Variants in FGD3 observed in about 807,000 individuals in gnomAD.
FGD3 encodes the protein FYVE, RhoGEF and PH domain-containing protein 3.
In FGD3, 45 loss-of-function variants were observed where a neutral mutation model predicts 71.8. The ratio of observed to expected loss-of-function variants is 0.63; its 90% CI spans 0.49 to 0.80. The LOEUF (loss-of-function observed/expected upper bound fraction) is 0.80, where lower values mean the gene tolerates loss of function less well. Ranked by LOEUF, FGD3 falls within the 30% of genes least tolerant of loss-of-function variation. The probability of loss-of-function intolerance (pLI) is 0.00; values close to 1 mark genes in which losing one functional copy is unlikely to be tolerated. For missense variants in FGD3, 844 were observed against 951.5 expected (o/e 0.89, Z 1.49); for synonymous variants, 378 against 392.8 (o/e 0.96, Z 0.44).
intron 3 of FGD3, among the ~76,000 whole-genome samples, chr9:92,990,228 A>C (rs1860354878): frequency 6.6e-6 from 1 of 152,190 alleles, no homozygotes. Context: ...GCTTGAGCCA[A>C]GGAATTCAAG....
At chr9:93,032,700 C>A (rs992652865) in intron 15 of FGD3, 69 bp from the exon 16 acceptor site, 8 of 1,464,986 alleles carry the variant, frequency 5.5e-6, no homozygotes, top group African/African-American at 2.8e-5. Context: ...CACTCTACCT[C>A]CTCTGGCATC....
At chr9:93,007,857 GTCTGGGGA>G (rs756577828) in intron 6 of FGD3, among the ~76,000 whole-genome samples, 9 of 152,186 alleles carry the variant, frequency 5.9e-5, no homozygotes, top group Non-Finnish European at 1.2e-4. Flanking sequence ...GGTGGGTGGG[GTCTGGGGA>G]TGCTGCAAAA....
rs1205329041 is a variant in FGD3, at chr9:92,947,748, A to G, written c.-218+19A>G. On this transcript the variant is annotated intron_variant, in intron 1 of 17. Transcript: ENST00000375482. ...GAAGGCGGTGAGTAGGTTACATTGGAAAAGGTGGCAATTTTCGCTTGTTTC... is the reference window on the plus strand; with the variant it reads ...GAAGGCGGTGAGTAGGTTACATTGGGAAAGGTGGCAATTTTCGCTTGTTTC... The G allele has an allele frequency of 6.6e-6, 1 of 152,198 alleles. No homozygotes were observed. Among genetic ancestry groups the G allele is most frequent in the African/African-American group, 2.4e-5 (1 of 41,412 alleles). The allele number at this position is 152,198 out of a possible 1,614,324, so 9.4% of individuals were successfully genotyped here.
intron 13 of FGD3, 68 bp from the exon 14 acceptor site, chr9:93,022,259 T>TC (rs538743969): frequency 3.0e-5 from 44 of 1,491,052 alleles, no homozygotes; most frequent in Non-Finnish European, 4.0e-5. Flanking sequence ...TCAGGAACTG[T>TC]CCCCCCGCTG....
intron 1 of FGD3, among the ~76,000 whole-genome samples, chr9:92,950,032 T>G (rs1858925347): frequency 1.8e-5 from 2 of 108,986 alleles, no homozygotes; most frequent in Non-Finnish European, 3.5e-5. Flanking sequence ...CTTCTTTCCT[T>G]CCTCTTTTTT....
rs886866152 is a variant in FGD3, at chr9:93,008,232, C to G, written c.838-2014C>G. Reference sequence around the variant, plus strand: ...AACCCTTTATCACTAAACATGTGAACAAGGATATTCTCTTGCGTACTCCCA... The same window carrying G: ...AACCCTTTATCACTAAACATGTGAAGAAGGATATTCTCTTGCGTACTCCCA... On this transcript the variant is annotated intron_variant, in intron 6 of 17. Coordinates refer to ENST00000375482, the MANE Select transcript of FGD3 (RefSeq NM_001083536.2). Among the ~76,000 whole-genome samples, 7 of 152,142 alleles carry G rather than the reference C, an allele frequency of 4.6e-5. No individual in the cohort carries two copies. The East Asian group carries it at 1.3e-3, about 29-fold the overall frequency.
chr9:92,988,505 G>A (rs1300755144), intron 3 of FGD3, among the ~76,000 whole-genome samples: 1 of 151,946 alleles, frequency 6.6e-6, no homozygotes, highest in Non-Finnish European at 1.5e-5. Flanking sequence ...GGTGTGGCGG[G>A]GCCCCTGCTC....
chr9:92,999,256 G>A (rs575436405), intron 3 of FGD3, among the ~76,000 whole-genome samples: 15 of 152,346 alleles, frequency 9.8e-5, no homozygotes, highest in South Asian at 4.1e-4. Flanking sequence ...CTCCGTGGGC[G>A]TGGGACCCTC....
chr9:92,979,346 T>A (rs1279627969), intron 3 of FGD3, among the ~76,000 whole-genome samples: 1 of 152,240 alleles, frequency 6.6e-6, no homozygotes, highest in African/African-American at 2.4e-5. Context: ...AAATGCTTTT[T>A]CTGCATCAAT....
At position 92,976,481 on chromosome 9, in the gene FGD3, C is replaced by G. The variant is rs1174825369; in HGVS notation, c.225C>G (p.Asp75Glu). The G allele has an allele frequency of 6.2e-7, 1 of 1,612,096 alleles. No individual in the cohort carries two copies. Among genetic ancestry groups the G allele is most frequent in the African/African-American group, 1.3e-5 (1 of 74,924 alleles). Residue 75 changes from aspartate to glutamate, a missense_variant, in exon 3 of 18, where the codon GAC becomes GAG. By Grantham distance (45) the Asp-to-Glu change is conservative. Coordinates refer to ENST00000375482, the MANE Select transcript of FGD3 (RefSeq NM_001083536.2). ...LSGSLKIPNRDSGIDSPSSSV... is the reference protein window; with the variant it reads ...LSGSLKIPNRESGIDSPSSSV... Reference sequence around the variant, plus strand: ...GTAGCTTAAAGATCCCCAACCGGGACAGCGGGATCGACAGTCCCTCCTCCA... The same window carrying G: ...GTAGCTTAAAGATCCCCAACCGGGAGAGCGGGATCGACAGTCCCTCCTCCA...
At chr9:93,028,216 A>ACACACG (rs757041805) in intron 14 of FGD3, among the ~76,000 whole-genome samples, 1 of 127,548 alleles carries the variant, frequency 7.8e-6, no homozygotes, top group Admixed American at 7.6e-5. Context: ...ACACACACAC[A>ACACACG]CGCACACACA....
At chr9:93,000,051 AT>A (rs34356006) in intron 3 of FGD3, among the ~76,000 whole-genome samples, 2 of 150,758 alleles carry the variant, frequency 1.3e-5, no homozygotes, top group Admixed American at 6.6e-5. Context: ...TGTTTAATTG[AT>A]TTTTTTTTGT....
chr9:93,013,731 G>T lies in FGD3; in HGVS notation c.1036-121G>T, dbSNP rs555510820. 7 of 1,249,956 alleles carry T rather than the reference G, an allele frequency of 5.6e-6. No individual in the cohort carries two copies. The South Asian group carries it at 9.1e-5, about 16-fold the overall frequency. The allele number at this position is 1,249,956 out of a possible 1,614,324, so 77.4% of individuals were successfully genotyped here. ...TCACTCTGTTTTCCCTCCCACCCTTGTCAGTAGCTCATTGCCCTCTCTGGA... is the reference window on the plus strand; with the variant it reads ...TCACTCTGTTTTCCCTCCCACCCTTTTCAGTAGCTCATTGCCCTCTCTGGA... On this transcript the variant is annotated intron_variant, in intron 8 of 17. Transcript: ENST00000375482.
intron 3 of FGD3, 35 bp from the exon 4 acceptor site, chr9:93,002,890 C>G: frequency 6.2e-7 from 1 of 1,606,932 alleles, no homozygotes; most frequent in Non-Finnish European, 8.5e-7. Flanking sequence ...CAAGGCTCAT[C>G]TTCCCCAGGT....
At chr9:92,952,290 G>T (rs1221717268) in intron 1 of FGD3, among the ~76,000 whole-genome samples, 1 of 146,484 alleles carries the variant, frequency 6.8e-6, no homozygotes, top group Admixed American at 6.9e-5. Flanking sequence ...GGGCTGGAGT[G>T]CAGTGGCACG....
intron 1 of FGD3, among the ~76,000 whole-genome samples, chr9:92,967,953 T>C (rs999656414): frequency 1.3e-5 from 2 of 152,198 alleles, no homozygotes; most frequent in African/African-American, 4.8e-5. Context: ...GGATGGACAC[T>C]TGAGGGGCTT....
At position 93,022,332 on chromosome 9, in the gene FGD3, G is replaced by A. The variant is rs1432723006; in HGVS notation, c.1500G>A (p.Thr500=). The A allele has an allele frequency of 3.1e-6, 5 of 1,611,410 alleles. No homozygotes were observed. Among genetic ancestry groups the A allele is most frequent in the East Asian group, 2.2e-5 (1 of 44,834 alleles). The change falls in exon 14 of 18, where the codon ACG becomes ACA. Residue 500 remains threonine, a synonymous_variant. Coordinates refer to ENST00000375482, the MANE Select transcript of FGD3 (RefSeq NM_001083536.2). ...GGCCTCTGTGTCCCTTCTAGATCAC[G>A]AGCACCAGCCCTGTGGAGCCTGTGG... The part of the protein sequence containing the change: ...DPSLSPDMPI[T]STSPVEPVVT...
At chr9:93,011,795 G>A (rs1415687097) in intron 8 of FGD3, among the ~76,000 whole-genome samples, 3 of 151,736 alleles carry the variant, frequency 2.0e-5, no homozygotes, top group African/African-American at 7.3e-5. Flanking sequence ...GGCAGAGGTT[G>A]CAGTGAGCCG....
chr9:92,963,752 G>T (rs1859218126), intron 1 of FGD3, among the ~76,000 whole-genome samples: 1 of 152,244 alleles, frequency 6.6e-6, no homozygotes. Flanking sequence ...TGGTGGGGCT[G>T]CTCAGCGGGG....
Sources: gnomAD v4.1 joint callset for allele counts (sites outside exome capture counted in the v4.1 genomes callset) on GRCh38, gnomAD v4.1.1 for gene constraint, MANE v1.5 for transcripts, NCBI Gene and HGNC (gene_info 2026-07-23, HGNC 2026-07-21) for gene names.